The following LSAMP variants were observed in gnomAD, a reference collection of about 807,000 sequenced individuals.
LSAMP encodes limbic system-associated membrane protein.
In LSAMP, 7 loss-of-function variants were observed where a neutral mutation model predicts 38.6. That is an observed-to-expected ratio of 0.18 (90% CI 0.10 to 0.34). The LOEUF (loss-of-function observed/expected upper bound fraction) is 0.34. Among genes scored for constraint, LSAMP ranks in the 10% least tolerant of loss-of-function variants. LSAMP has a pLI of 1.00. For synonymous variants in LSAMP, 154 were observed against 166.8 expected (o/e 0.92, Z 0.59); for missense variants, 313 against 420.0 (o/e 0.75, Z 2.23).
intron 1 of LSAMP, among the ~76,000 whole-genome samples, chr3:116,243,821 T>A (rs1363085831): frequency 6.6e-6 from 1 of 152,242 alleles, no homozygotes; most frequent in African/African-American, 2.4e-5. Context: ...ATTTTTCTTT[T>A]TTTAACTTAA....
intron 1 of LSAMP, among the ~76,000 whole-genome samples, chr3:116,379,565 A>G (rs1170177769): frequency 6.6e-6 from 1 of 152,070 alleles, no homozygotes; most frequent in Non-Finnish European, 1.5e-5. Flanking sequence ...ATATTTCTGG[A>G]AGATTGCTCA....
intron 1 of LSAMP, among the ~76,000 whole-genome samples, chr3:116,438,236 A>C (rs972290342): frequency 6.6e-6 from 1 of 152,104 alleles, no homozygotes; most frequent in African/African-American, 2.4e-5. Context: ...ACATTTTTAA[A>C]ATTTTCTAAA....
In LSAMP at chr3:116,418,960, C is replaced by G. The variant is rs566010042; in HGVS notation, c.155+25917G>C. ...CTCCATAAACCTGTATGTATCTGTG[C>G]TTTTGCATGTGCTATTTCCTCTCCC... On this transcript the variant is annotated intron_variant, in intron 1 of 6. Coordinates refer to ENST00000490035, the MANE Select transcript of LSAMP (RefSeq NM_002338.5). Among the ~76,000 whole-genome samples, 3 of 152,274 alleles carry G rather than the reference C, an allele frequency of 2.0e-5. No homozygotes were observed. The South Asian group carries it at 6.2e-4, about 32-fold the overall frequency.
intron 1 of LSAMP, among the ~76,000 whole-genome samples, chr3:116,314,522 C>T (rs557843737): frequency 6.6e-6 from 1 of 152,210 alleles, no homozygotes; most frequent in East Asian, 1.9e-4. Context: ...ACTTAGCATC[C>T]CCCATCCTGT....
intron 1 of LSAMP, among the ~76,000 whole-genome samples, chr3:116,284,029 T>C (rs1450106201): frequency 6.6e-6 from 1 of 152,110 alleles, no homozygotes; most frequent in Non-Finnish European, 1.5e-5. Flanking sequence ...TAAATAAAAT[T>C]AAAAAATAGT....
chr3:115,950,455 A>T (rs1027095793), intron 3 of LSAMP, among the ~76,000 whole-genome samples: 7 of 152,192 alleles, frequency 4.6e-5, no homozygotes, highest in Non-Finnish European at 8.8e-5. Context: ...CCAAGCTGAG[A>T]ATTAAATCAA....
chr3:116,105,858 T>A (rs1708454103), intron 1 of LSAMP, among the ~76,000 whole-genome samples: 1 of 151,178 alleles, frequency 6.6e-6, no homozygotes, highest in South Asian at 2.1e-4. Flanking sequence ...GCGGCAAAAA[T>A]TTTTGGGGGG....
At chr3:116,148,478 A>G (rs1709536843) in intron 1 of LSAMP, among the ~76,000 whole-genome samples, 1 of 151,982 alleles carries the variant, frequency 6.6e-6, no homozygotes, top group Non-Finnish European at 1.5e-5. Context: ...CATAAAGGAC[A>G]TTCCTCATAT....
At chr3:116,378,130 C>T (rs1576175599) in intron 1 of LSAMP, among the ~76,000 whole-genome samples, 1 of 152,166 alleles carries the variant, frequency 6.6e-6, no homozygotes, top group South Asian at 2.1e-4. Flanking sequence ...TTCTCCAAAC[C>T]TCTACTTTGT....
chr3:115,997,713 GATATATATATATAT>G (rs376845636), intron 3 of LSAMP, among the ~76,000 whole-genome samples: 40,595 of 91,862 alleles, frequency 0.44, 7,618 homozygotes, highest in Admixed American at 0.5. Flanking sequence ...GACATTTTGG[GATATATATATATAT>G]ATATATATAT....
rs545846868 is a variant in LSAMP, at chr3:116,044,960, C to A, written c.389-25320G>T. 3.6e-3 allele frequency among the ~76,000 whole-genome samples: 538 copies of A among 150,700 alleles called. 4 individuals are homozygous for A. Among genetic ancestry groups the A allele is most frequent in the African/African-American group, 0.013 (509 of 40,142 alleles). ...ATGGAAAGAAAGAAAAAACAAAAAA[C>A]AAAAAAACCCAGGCTGCCATTTCTG... is the stretch of plus-strand genomic sequence containing the variant. On this transcript the variant is annotated intron_variant, in intron 2 of 6. Coordinates refer to ENST00000490035, the MANE Select transcript of LSAMP (RefSeq NM_002338.5).
intron 1 of LSAMP, among the ~76,000 whole-genome samples, chr3:116,370,296 A>G (rs1472001172): frequency 6.6e-6 from 1 of 152,210 alleles, no homozygotes; most frequent in East Asian, 1.9e-4. Context: ...AAGAACAAGA[A>G]TTTAGTAAAG....
At chr3:116,208,539 C>G (rs1463676452) in intron 1 of LSAMP, among the ~76,000 whole-genome samples, 1 of 152,170 alleles carries the variant, frequency 6.6e-6, no homozygotes, top group African/African-American at 2.4e-5. Flanking sequence ...GTTTTATCTA[C>G]TTTTGGTCTT....
chr3:116,388,250 C>A (rs986823031), intron 1 of LSAMP, among the ~76,000 whole-genome samples: 9 of 152,036 alleles, frequency 5.9e-5, no homozygotes, highest in Non-Finnish European at 1.0e-4. Flanking sequence ...ATACATTGAC[C>A]CTATTTTTCA....
At chr3:116,043,390 G>T (rs918657958) in intron 2 of LSAMP, among the ~76,000 whole-genome samples, 6 of 152,242 alleles carry the variant, frequency 3.9e-5, no homozygotes, top group Middle Eastern at 3.4e-3. Flanking sequence ...TAATGCCAAT[G>T]GACACAAAAA....
rs79375900 is a variant in LSAMP, at chr3:115,824,709, T to TA, written c.920-14296dup. On this transcript the variant is annotated intron_variant, in intron 6 of 6. Coordinates refer to ENST00000490035, the MANE Select transcript of LSAMP (RefSeq NM_002338.5). ...TGGGTGACAGGGCGAGACTCCGTCT[T>TA]AAAAAAAAAAAAAAAAAAGAACTAG... is the stretch of plus-strand genomic sequence containing the variant. 3.1e-3 allele frequency among the ~76,000 whole-genome samples: 401 copies of TA among 128,590 alleles called. 1 individual carries two copies. Among genetic ancestry groups the TA allele is most frequent in the African/African-American group, 5.3e-3 (186 of 35,108 alleles). The allele number at this position is 128,590 out of a possible 152,430, so 84.4% of individuals were successfully genotyped here.
chr3:116,102,765 TTTTATC>T, intron 1 of LSAMP, among the ~76,000 whole-genome samples: 1 of 123,394 alleles, frequency 8.1e-6, no homozygotes, highest in Admixed American at 7.4e-5. Context: ...CATTTTAAAA[TTTTATC>T]TATCTATCTA....
At chr3:115,843,197 G>A (rs775633209) in intron 4 of LSAMP, among the ~76,000 whole-genome samples, 2 of 152,292 alleles carry the variant, frequency 1.3e-5, no homozygotes, top group East Asian at 1.9e-4. Context: ...GTGGGGGTAC[G>A]GTTTAAAGTC....
intron 1 of LSAMP, among the ~76,000 whole-genome samples, chr3:116,149,291 T>C (rs1014508915): frequency 1.3e-5 from 2 of 151,730 alleles, no homozygotes; most frequent in Admixed American, 6.6e-5. Flanking sequence ...CAGAGCAGAG[T>C]AGGAGTGGAG....
Sources: gnomAD v4.1 joint callset for allele counts (sites outside exome capture counted in the v4.1 genomes callset) on GRCh38, gnomAD v4.1.1 for gene constraint, MANE v1.5 for transcripts, NCBI Gene and HGNC (gene_info 2026-07-23, HGNC 2026-07-21) for gene names.